Variants in PCDHGB3 observed in about 807,000 individuals in gnomAD.
PCDHGB3 encodes the protein protocadherin gamma-B3.
PCDHGB3 carries 40 observed loss-of-function variants against 59.2 expected under a neutral mutation model. That is an observed-to-expected ratio of 0.68 (90% CI 0.52 to 0.88). The LOEUF is 0.88. Ranked by LOEUF, PCDHGB3 falls within the 40% of genes least tolerant of loss-of-function variation. The pLI is 0.00. For synonymous variants in PCDHGB3, 581 were observed against 503.6 expected (o/e 1.15, Z -2.06); for missense variants, 1,309 against 1,187.9 (o/e 1.10, Z -1.50).
intron 1 of PCDHGB3, chr5:141,418,636 C>G (rs564881404): frequency 6.2e-7 from 1 of 1,613,980 alleles, no homozygotes; most frequent in South Asian, 1.1e-5. Context: ...CTCCAGGCAC[C>G]TCCATCCTGA....
At chr5:141,502,621 A>G (rs918589202) in intron 2 of PCDHGB3, among the ~76,000 whole-genome samples, 3 of 152,162 alleles carry the variant, frequency 2.0e-5, no homozygotes, top group African/African-American at 7.2e-5. Context: ...AAATATAAGT[A>G]ATCTGTGGAT....
At position 141,371,161 on chromosome 5, in the gene PCDHGB3, C is replaced by T; in HGVS notation, c.767C>T (p.Pro256Leu). 1 of 1,614,006 alleles carries T rather than the reference C, an allele frequency of 6.2e-7. No individual in the cohort carries two copies. The highest frequency in any genetic ancestry group is 1.1e-5 in the South Asian group (1 of 91,086). ...AGGGTCAATGTTGCAGAGAACCTGC[C>T]CGCTGGCTCCTCCGTATTAAAAGTG... ...MYRVNVAENL[P>L]AGSSVLKVMA... Residue 256 changes from proline (P) to leucine (L), a missense_variant, in exon 1 of 4, where the codon CCC becomes CTC. By Grantham distance (98) the Pro-to-Leu change is moderately conservative. Transcript: ENST00000576222.
At chr5:141,400,181 A>G (rs1188334062) in intron 1 of PCDHGB3, 14 of 1,614,034 alleles carry the variant, frequency 8.7e-6, no homozygotes, top group Non-Finnish European at 1.1e-5. Flanking sequence ...GCTGAGCTGC[A>G]GTTTTACCTA....
chr5:141,423,006 T>A, intron 1 of PCDHGB3: 2 of 1,614,198 alleles, frequency 1.2e-6, no homozygotes, highest in Non-Finnish European at 1.7e-6. Context: ...CCAAGGTGGT[T>A]GCGGTGGACA....
rs751976949 is a variant in PCDHGB3, at chr5:141,414,873, C to A, written c.2415+42064C>A. The A allele has an allele frequency of 6.2e-6, 10 of 1,614,108 alleles. No homozygotes were observed. The Admixed American group carries it at 1.2e-4, about 19-fold the overall frequency. ...ACCAGAACGACAATGCGCCCGAGAT[C>A]CTGTACCCCGCCCTCCCCACAGACG... On this transcript the variant is annotated intron_variant, in intron 1 of 3. Transcript: ENST00000576222.
intron 1 of PCDHGB3, among the ~76,000 whole-genome samples, chr5:141,444,982 A>G (rs10066383): frequency 7.1e-4 from 108 of 152,272 alleles, no homozygotes; most frequent in African/African-American, 2.5e-3. Flanking sequence ...ATCCATGAAC[A>G]TGGTATATAT....
intron 1 of PCDHGB3, chr5:141,427,415 T>G: frequency 2.1e-6 from 1 of 465,414 alleles, no homozygotes; most frequent in Non-Finnish European, 4.3e-6. Context: ...CGAGAGAAAA[T>G]GGGGAGGTTA....
intron 1 of PCDHGB3, among the ~76,000 whole-genome samples, chr5:141,397,737 C>T (rs2093564219): frequency 6.6e-6 from 1 of 152,164 alleles, no homozygotes. Flanking sequence ...GAGAAAGATA[C>T]CTTAAAGAAG....
At chr5:141,417,718 G>T in intron 1 of PCDHGB3, 1 of 1,304,720 alleles carries the variant, frequency 7.7e-7, no homozygotes. Context: ...GCTCCCGGCT[G>T]CGCAGACCTT....
At chr5:141,424,628 A>C (rs962512805) in intron 1 of PCDHGB3, 3 of 152,348 alleles carry the variant, frequency 2.0e-5, no homozygotes, top group African/African-American at 7.2e-5. Flanking sequence ...GTTTGTGAAT[A>C]TATAAATAGA....
chr5:141,485,944 G>C lies in PCDHGB3; in HGVS notation c.2416-8863G>C, dbSNP rs2099621875. 1 of 1,613,998 alleles carries C rather than the reference G, an allele frequency of 6.2e-7. No homozygotes were observed. Reference sequence around the variant, plus strand: ...TTAGTGTGTTGGAGAGCGCACCAGCGGGCATGGTGCTCATCCAGCTCAATG... The same window carrying C: ...TTAGTGTGTTGGAGAGCGCACCAGCCGGCATGGTGCTCATCCAGCTCAATG... On this transcript the variant is annotated intron_variant, in intron 1 of 3. Transcript: ENST00000576222. This position sits in a 1 kb window ranked among gnomAD's most constrained non-coding sequence, Gnocchi z 5.7.
At chr5:141,464,009 T>C (rs1187492781) in intron 1 of PCDHGB3, among the ~76,000 whole-genome samples, 1 of 151,950 alleles carries the variant, frequency 6.6e-6, no homozygotes. Context: ...CTCATGCTTG[T>C]AATCCCACAC....
chr5:141,391,929 T>C (rs1035871197), intron 1 of PCDHGB3: 1 of 152,214 alleles, frequency 6.6e-6, no homozygotes, highest in African/African-American at 2.4e-5. Flanking sequence ...ATCTGTACCT[T>C]TCAAGTATTC....
At position 141,493,396 on chromosome 5, in the gene PCDHGB3, G is replaced by A. The variant is rs562217310; in HGVS notation, c.2416-1411G>A. 1.3e-5 allele frequency among the ~76,000 whole-genome samples: 2 copies of A among 152,274 alleles called. No homozygotes were observed. Among genetic ancestry groups the A allele is most frequent in the East Asian group, 3.9e-4 (2 of 5,178 alleles). The stretch of plus-strand genomic sequence containing the variant: ...TTTAAAAGCTTGAGGACAGGAGAGG[G>A]GAGTTGCCTCTGCTGGGATTTTGCT... On this transcript the variant is annotated intron_variant, in intron 1 of 3. Transcript: ENST00000576222. This position sits in a 1 kb window ranked among gnomAD's most constrained non-coding sequence, Gnocchi z 4.3.
chr5:141,404,725 G>T, intron 1 of PCDHGB3: 1 of 1,614,098 alleles, frequency 6.2e-7, no homozygotes. Flanking sequence ...TGACCAAGGT[G>T]GTGGCAGTGG....
rs762770481 is a variant in PCDHGB3, at chr5:141,432,320, G to GACT, written c.2415+59514_2415+59516dup. On this transcript the variant is annotated intron_variant, in intron 1 of 3. Coordinates refer to ENST00000576222, the MANE Select transcript of PCDHGB3 (RefSeq NM_018924.5). This position sits in a 1 kb window ranked among gnomAD's most constrained non-coding sequence, Gnocchi z 6.0. ...GGTACTGTATGCGCTGAGCTCCTTC[G>GACT]ACTACGAGCAGTTCCGAGACTTGCA... is the stretch of plus-strand genomic sequence containing the variant. The GACT allele has an allele frequency of 2.6e-5, 42 of 1,614,238 alleles. No individual in the cohort carries two copies. The highest frequency in any genetic ancestry group is 3.6e-5 in the Non-Finnish European group (42 of 1,180,038).
chr5:141,500,645 A>C (rs2099801792), intron 2 of PCDHGB3, among the ~76,000 whole-genome samples: 1 of 152,228 alleles, frequency 6.6e-6, no homozygotes, highest in African/African-American at 2.4e-5. Flanking sequence ...GTTTTTTAAA[A>C]ATAGCAACTG....
At position 141,491,151 on chromosome 5, in the gene PCDHGB3, T is replaced by C. The variant is rs1283775894; in HGVS notation, c.2416-3656T>C. The C allele has an allele frequency of 6.2e-7, 1 of 1,614,150 alleles. No individual in the cohort carries two copies. On this transcript the variant is annotated intron_variant, in intron 1 of 3. Transcript: ENST00000576222. The surrounding 1 kb of genome is among the most constrained non-coding windows in gnomAD (Gnocchi z 6.9). ...GCACAGCCCGGGCCTTACTGGAGGA[T>C]GACTCTGACACCCAGCAGGTGGTGG...
At position 141,487,635 on chromosome 5, in the gene PCDHGB3, A is replaced by C. The variant is rs1594699829; in HGVS notation, c.2416-7172A>C. 1.2e-6 allele frequency: 2 copies of C among 1,614,204 alleles called. No individual in the cohort carries two copies. Among genetic ancestry groups the C allele is most frequent in the Non-Finnish European group, 1.7e-6 (2 of 1,180,034 alleles). On this transcript the variant is annotated intron_variant, in intron 1 of 3. Transcript: ENST00000576222. The surrounding 1 kb of genome is among the most constrained non-coding windows in gnomAD (Gnocchi z 5.0). Reference sequence around the variant, plus strand: ...CTAGAGGTGAGACCTTTGCAGGCTCAACAAATGCTTGAGGGTTATTCTGAT... The same window carrying C: ...CTAGAGGTGAGACCTTTGCAGGCTCCACAAATGCTTGAGGGTTATTCTGAT...
Sources: gnomAD v4.1 joint callset for allele counts (sites outside exome capture counted in the v4.1 genomes callset) on GRCh38, gnomAD v4.1.1 for gene constraint, Gnocchi (gnomAD v3.1) non-coding constraint, MANE v1.5 for transcripts, NCBI Gene and HGNC (gene_info 2026-07-23, HGNC 2026-07-21) for gene names.